Variants in CHRDL1 observed in about 807,000 individuals in gnomAD.
CHRDL1 encodes the protein chordin like 1, also known as chordin-like protein 1.
CHRDL1 carries 19 observed loss-of-function variants against 40.9 expected under a neutral mutation model. The ratio of observed to expected loss-of-function variants is 0.46; its 90% confidence interval spans 0.32 to 0.68. CHRDL1 has a LOEUF of 0.68. Among genes scored for constraint, CHRDL1 ranks in the 30% least tolerant of loss-of-function variants. The probability of loss-of-function intolerance (pLI) is 0.03; values close to 1 mark genes in which losing one functional copy is unlikely to be tolerated. For missense variants in CHRDL1, 329 were observed against 352.1 expected, an observed-to-expected ratio of 0.93 and a Z score of 0.53; for synonymous variants, 136 against 123.4, an observed-to-expected ratio of 1.10 and a Z score of -0.68.
chrX:110,744,696 C>T (rs2071419684), intron 4 of CHRDL1, among the ~76,000 whole-genome samples: 1 of 111,224 alleles, frequency 9.0e-6, no homozygotes, highest in Non-Finnish European at 1.9e-5. Context: ...GTGTCCTAGG[C>T]ACATATTTGA....
Position 110,694,699 on chromosome X carries a change from ATG to A in CHRDL1, c.610-370_610-369del, listed in dbSNP as rs756974882. ...GACAGTAGTCTGCACGCAAGGCAGA[ATG>A]TGAATAGAGGCTGCAGAAGAAGTAA... On this transcript the variant is annotated intron_variant, in intron 7 of 11. Transcript: ENST00000372042. Among the ~76,000 whole-genome samples, 15 of 112,405 alleles carry A rather than the reference ATG, an allele frequency of 1.3e-4. No homozygotes were observed. In the Admixed American group the frequency reaches 1.4e-3, roughly 11 times the overall value.
At chrX:110,689,219 G>A (rs1211257872) in intron 8 of CHRDL1, among the ~76,000 whole-genome samples, 4 of 91,354 alleles carry the variant, frequency 4.4e-5, no homozygotes, top group African/African-American at 1.6e-4. Flanking sequence ...TCAGCCACCC[G>A]AGTAGCTGGG....
At position 110,712,692 on chromosome X, in the gene CHRDL1, G is replaced by C. The variant is rs1044285544; in HGVS notation, c.541+7143C>G. Among the ~76,000 whole-genome samples, 12 of 105,557 alleles carry C rather than the reference G, an allele frequency of 1.1e-4. No individual in the cohort carries two copies. The South Asian group carries it at 5.1e-3, about 45-fold the overall frequency. The allele number at this position is 105,557 out of a possible 115,157, so 91.7% of individuals were successfully genotyped here. A position where few individuals can be genotyped will look rare whatever the true frequency, so the allele number is the denominator to read the frequency against. On this transcript the variant is annotated intron_variant, in intron 6 of 11. Coordinates refer to ENST00000372042, the MANE Select transcript of CHRDL1 (RefSeq NM_001143981.2). ...GAGACCAACCTGGGCAACATAGCGAGACCATGTCTCTAAAAAAAAAAAAAA... is the reference window on the plus strand; with the variant it reads ...GAGACCAACCTGGGCAACATAGCGACACCATGTCTCTAAAAAAAAAAAAAA...
chrX:110,765,350 C>T (rs1468923356), intron 2 of CHRDL1, among the ~76,000 whole-genome samples: 2 of 112,058 alleles, frequency 1.8e-5, no homozygotes, highest in Non-Finnish European at 3.8e-5. Flanking sequence ...AAAGAACCTA[C>T]GTTGAAATAT....
At position 110,762,569 on chromosome X, in the gene CHRDL1, G is replaced by A. The variant is rs371249145; in HGVS notation, c.207+126C>T. Reference sequence around the variant, plus strand: ...TGGGATTATAGGCGTGAGACAGTGCGATCGGTCTGCTTCTTTACTTTCTTT... The same window carrying A: ...TGGGATTATAGGCGTGAGACAGTGCAATCGGTCTGCTTCTTTACTTTCTTT... On this transcript the variant is annotated intron_variant, in intron 3 of 11. Transcript: ENST00000372042. 2.5e-5 allele frequency: 11 copies of A among 447,244 alleles called. No individual in the cohort carries two copies. The Admixed American group carries it at 3.5e-4, about 14-fold the overall frequency. 36.9% of individuals were successfully genotyped at this position (447,244 alleles called of 1,213,427 possible).
chrX:110,725,045 G>GGCT (rs921189953), intron 4 of CHRDL1, among the ~76,000 whole-genome samples: 3 of 111,685 alleles, frequency 2.7e-5, no homozygotes, highest in African/African-American at 9.8e-5. Flanking sequence ...GGAATGACCA[G>GGCT]GCTGCGTGGC....
chrX:110,743,641 T>C (rs1417606183), intron 4 of CHRDL1, among the ~76,000 whole-genome samples: 4 of 111,742 alleles, frequency 3.6e-5, no homozygotes, highest in Non-Finnish European at 7.5e-5. Context: ...CCTTACATGC[T>C]CCCTGCACAG....
Position 110,676,136 on chromosome X carries a change from G to A in CHRDL1, c.*95C>T. ...ATAATTGACTGCATTTGAGTTTGGA[G>A]TTTTAGGGCACTGTTGACTTAAGCA... On this transcript the variant is annotated 3_prime_UTR_variant, in exon 12 of 12. Coordinates refer to ENST00000372042, the MANE Select transcript of CHRDL1 (RefSeq NM_001143981.2). 1.1e-6 allele frequency: 1 copy of A among 940,924 alleles called. No homozygotes were observed. Among genetic ancestry groups the A allele is most frequent in the Non-Finnish European group, 1.5e-6 (1 of 682,898 alleles). The allele number at this position is 940,924 out of a possible 1,213,427, so 77.5% of individuals were successfully genotyped here. A position where few individuals can be genotyped will look rare whatever the true frequency, so the allele number is the denominator to read the frequency against.
intron 4 of CHRDL1, among the ~76,000 whole-genome samples, chrX:110,750,536 T>C (rs188160362): frequency 8.9e-6 from 1 of 112,612 alleles, no homozygotes; most frequent in East Asian, 2.8e-4. Flanking sequence ...TCAAACTAAG[T>C]TAAAAACAGA....
chrX:110,676,098 G>A lies in CHRDL1; in HGVS notation c.*133C>T, dbSNP rs1026717034. 6.4e-6 allele frequency: 4 copies of A among 627,868 alleles called. No homozygotes were observed. In the Admixed American group the frequency reaches 9.4e-5, roughly 15 times the overall value. 51.7% of individuals were successfully genotyped at this position (627,868 alleles called of 1,213,427 possible). ...TCCACACAAAGGAGCAAATTATGCTGTGCATGGCGTGAATAATTGACTGCA... is the reference window on the plus strand; with the variant it reads ...TCCACACAAAGGAGCAAATTATGCTATGCATGGCGTGAATAATTGACTGCA... On this transcript the variant is annotated 3_prime_UTR_variant, in exon 12 of 12. Transcript: ENST00000372042.
At chrX:110,774,601 A>C (rs2089818277) in intron 2 of CHRDL1, among the ~76,000 whole-genome samples, 1 of 111,490 alleles carries the variant, frequency 9.0e-6, no homozygotes, top group African/African-American at 3.3e-5. Flanking sequence ...CAGCATGAGA[A>C]CCATAGCTAA....
chrX:110,780,435 C>T (rs1358692172), intron 2 of CHRDL1, among the ~76,000 whole-genome samples: 1 of 111,185 alleles, frequency 9.0e-6, no homozygotes, highest in Non-Finnish European at 1.9e-5. Context: ...TTACCCATAC[C>T]TCATGACTAA....
chrX:110,785,405 G>A (rs1262255784), intron 2 of CHRDL1, among the ~76,000 whole-genome samples: 1 of 111,803 alleles, frequency 8.9e-6, no homozygotes, highest in Non-Finnish European at 1.9e-5. Flanking sequence ...ACAGACACAG[G>A]AGATGTGGAA....
intron 6 of CHRDL1, among the ~76,000 whole-genome samples, chrX:110,708,823 T>C (rs980390633): frequency 9.0e-6 from 1 of 111,660 alleles, no homozygotes; most frequent in Non-Finnish European, 1.9e-5. Context: ...TCCAAGTTTA[T>C]GGTGAGAAAC....
intron 11 of CHRDL1, among the ~76,000 whole-genome samples, chrX:110,676,741 C>T (rs751049027): frequency 7.1e-4 from 79 of 111,385 alleles, no homozygotes; most frequent in African/African-American, 2.5e-3. Context: ...GTCAAAAAGG[C>T]ACTTTGGAAA....
At chrX:110,689,951 ATATATATCTATATATCTATATATATC>A (rs2070222649) in intron 8 of CHRDL1, among the ~76,000 whole-genome samples, 2 of 33,175 alleles carry the variant, frequency 6.0e-5, no homozygotes, top group Non-Finnish European at 1.0e-4. Flanking sequence ...CTATATATCT[ATATATATCTATATATCTATATATATC>A]TATATATCTA....
intron 9 of CHRDL1, among the ~76,000 whole-genome samples, chrX:110,683,831 G>C (rs2069951136): frequency 9.0e-6 from 1 of 111,378 alleles, no homozygotes; most frequent in African/African-American, 3.3e-5. Flanking sequence ...TAAGGGGAGA[G>C]TGTTCAGTGA....
intron 4 of CHRDL1, among the ~76,000 whole-genome samples, chrX:110,726,652 A>G (rs752688318): frequency 1.8e-5 from 2 of 112,221 alleles, no homozygotes; most frequent in South Asian, 7.5e-4. Context: ...TTCAGCGATA[A>G]TTAATTTTAA....
chrX:110,792,982 C>T (rs2090126051), intron 1 of CHRDL1, among the ~76,000 whole-genome samples: 1 of 112,409 alleles, frequency 8.9e-6, no homozygotes, highest in Admixed American at 9.4e-5. Context: ...ATGAGATTGG[C>T]ATTCCCAGTA....
Sources: allele counts gnomAD v4.1 joint callset (sites outside exome capture counted in the v4.1 genomes callset), GRCh38; gene constraint gnomAD v4.1.1; transcripts MANE v1.5; gene names NCBI Gene and HGNC (gene_info 2026-07-23, HGNC 2026-07-21).